PUS3: variants seen among roughly 807,000 people sequenced by gnomAD.
The protein encoded by PUS3 is tRNA pseudouridine(38/39) synthase.
In PUS3, 36 loss-of-function variants were observed where a neutral mutation model predicts 43.3. The observed-to-expected ratio is 0.83, with a 90% CI of 0.64 to 1.10. PUS3 has a LOEUF of 1.10. Ranked by LOEUF, PUS3 falls within the 50% of genes least tolerant of loss-of-function variation. PUS3 has a pLI of 0.00. For missense variants in PUS3, 544 were observed against 589.9 expected, an observed-to-expected ratio of 0.92 and a Z score of 0.81; for synonymous variants, 183 against 199.2, an observed-to-expected ratio of 0.92 and a Z score of 0.69.
In PUS3 at chr11:125,900,263, T is replaced by C. The variant is rs752716062; in HGVS notation, c.-47+2907A>G. The C allele has an allele frequency of 2.1e-5, 34 of 1,613,768 alleles. No homozygotes were observed. In the East Asian group the frequency reaches 3.8e-4, roughly 18 times the overall value. On this transcript the variant is annotated intron_variant, in intron 1 of 3. Coordinates refer to ENST00000227474, the MANE Select transcript of PUS3 (RefSeq NM_031307.4). The stretch of plus-strand genomic sequence containing the variant: ...GAAGCTTCCCTTCCCTCTTTCTCCT[T>C]CTTAAATCTTTTTAAACTTCTTTCA...
At chr11:125,900,587 G>A (rs1203626263) in intron 1 of PUS3, 1 of 347,500 alleles carries the variant, frequency 2.9e-6, no homozygotes, top group Non-Finnish European at 5.6e-6. Context: ...CTGTGCTTCA[G>A]TGTGTGTTTT....
chr11:125,896,793 C>A (rs1944604355), intron 1 of PUS3, among the ~76,000 whole-genome samples: 1 of 152,056 alleles, frequency 6.6e-6, no homozygotes, highest in South Asian at 2.1e-4. Flanking sequence ...TTGTATGCTC[C>A]ATCATCTAAT....
chr11:125,902,285 C>T (rs1401924301), intron 1 of PUS3, among the ~76,000 whole-genome samples: 1 of 151,068 alleles, frequency 6.6e-6, no homozygotes, highest in African/African-American at 2.4e-5. Context: ...CAAACTAAAA[C>T]GGCCATCACC....
At chr11:125,901,764 A>G (rs1944778911) in intron 1 of PUS3, among the ~76,000 whole-genome samples, 1 of 152,232 alleles carries the variant, frequency 6.6e-6, no homozygotes, top group Non-Finnish European at 1.5e-5. Context: ...GGAATAGTAA[A>G]TGTCTTTAAA....
intron 1 of PUS3, chr11:125,900,271 C>A (rs1487794000): frequency 6.2e-7 from 1 of 1,613,692 alleles, no homozygotes; most frequent in Non-Finnish European, 8.5e-7. Context: ...CTTCTTAAAT[C>A]TTTTTAAACT....
rs975307362 is a variant in PUS3, at chr11:125,903,187, C to T, written c.-64G>A. The T allele has an allele frequency of 2.0e-5, 20 of 985,476 alleles. 1 individual carries two copies. The East Asian group carries it at 4.5e-4, about 22-fold the overall frequency. The allele number at this position is 985,476 out of a possible 1,614,324, so 61.0% of individuals were successfully genotyped here. ...ACACTTACTTTCCGGCAGCCGGCCG[C>T]GCCGCGTTTCCGAGAAAGGAAGCTG... On this transcript the variant is annotated 5_prime_UTR_variant, in exon 1 of 4. Transcript: ENST00000227474.
At chr11:125,901,623 C>T (rs186772120) in intron 1 of PUS3, among the ~76,000 whole-genome samples, 38 of 152,282 alleles carry the variant, frequency 2.5e-4, no homozygotes, top group African/African-American at 9.1e-4. Flanking sequence ...CATTTAAAGC[C>T]ACATAATTCA....
Position 125,899,371 on chromosome 11 carries a change from G to T in PUS3, c.-46-3041C>A, listed in dbSNP as rs774827514. 11 of 1,614,006 alleles carry T rather than the reference G, an allele frequency of 6.8e-6. No homozygotes were observed. In the East Asian group the frequency reaches 2.2e-4, roughly 33 times the overall value. On this transcript the variant is annotated intron_variant, in intron 1 of 3. Coordinates refer to ENST00000227474, the MANE Select transcript of PUS3 (RefSeq NM_031307.4). ...GGTCCTACAGTGTAGGGGAAGCAAT[G>T]GAAGAACTTCTACCTGATGGACAAA...
chr11:125,903,190 C>T lies in PUS3; in HGVS notation c.-67G>A, dbSNP rs764158546. 23 of 985,362 alleles carry T rather than the reference C, an allele frequency of 2.3e-5. No homozygotes were observed. Among genetic ancestry groups the T allele is most frequent in the Non-Finnish European group, 2.3e-5 (19 of 829,954 alleles). 61.0% of individuals were successfully genotyped at this position (985,362 alleles called of 1,614,324 possible). On this transcript the variant is annotated 5_prime_UTR_variant, in exon 1 of 4. Transcript: ENST00000227474. ...CTTACTTTCCGGCAGCCGGCCGCGCCGCGTTTCCGAGAAAGGAAGCTGTCA... is the reference window on the plus strand; with the variant it reads ...CTTACTTTCCGGCAGCCGGCCGCGCTGCGTTTCCGAGAAAGGAAGCTGTCA...
chr11:125,897,817 C>T (rs2134251663), intron 1 of PUS3, among the ~76,000 whole-genome samples: 1 of 152,292 alleles, frequency 6.6e-6, no homozygotes, highest in South Asian at 2.1e-4. Flanking sequence ...ATTGAATATA[C>T]ACATACCTTT....
intron 1 of PUS3, among the ~76,000 whole-genome samples, chr11:125,902,352 T>A (rs998184778): frequency 2.0e-5 from 2 of 100,386 alleles, no homozygotes; most frequent in African/African-American, 8.0e-5. Context: ...CCCAACATTT[T>A]GAGAGGCCAA....
intron 1 of PUS3, chr11:125,899,591 A>C (rs375884986): frequency 4.3e-6 from 7 of 1,614,202 alleles, no homozygotes; most frequent in Non-Finnish European, 5.1e-6. Flanking sequence ...ACATGTAGAA[A>C]GTAATGTCCC....
intron 1 of PUS3, among the ~76,000 whole-genome samples, chr11:125,897,904 C>T (rs998994783): frequency 6.6e-6 from 1 of 152,142 alleles, no homozygotes; most frequent in African/African-American, 2.4e-5. Flanking sequence ...GCAAGATACT[C>T]GTGTTAGCAT....
At chr11:125,901,697 A>G (rs1944777359) in intron 1 of PUS3, among the ~76,000 whole-genome samples, 1 of 152,264 alleles carries the variant, frequency 6.6e-6, no homozygotes, top group Non-Finnish European at 1.5e-5. Context: ...TGACTCAGGT[A>G]CATGTAGGAT....
chr11:125,900,476 A>G (rs1944738275), intron 1 of PUS3: 1 of 566,506 alleles, frequency 1.8e-6, no homozygotes, highest in Non-Finnish European at 3.2e-6. Flanking sequence ...TGCAAGATAA[A>G]TCATATCAGA....
intron 1 of PUS3, among the ~76,000 whole-genome samples, chr11:125,902,328 C>T (rs1285877236): frequency 6.7e-6 from 1 of 148,592 alleles, no homozygotes; most frequent in Admixed American, 6.7e-5. Flanking sequence ...GGCGCCGTGG[C>T]TCACGCCTGT....
chr11:125,901,491 C>G lies in PUS3; in HGVS notation c.-47+1679G>C, dbSNP rs75945283. Among the ~76,000 whole-genome samples, 1,045 of 152,300 alleles carry G rather than the reference C, an allele frequency of 6.9e-3. 10 individuals are homozygous for G. Among genetic ancestry groups the G allele is most frequent in the African/African-American group, 0.023 (963 of 41,570 alleles). ...GGACCATCTAAAATCTGAAAGTTGT[C>G]AGTTTTAACACCAGAGGCCAGAAGA... On this transcript the variant is annotated intron_variant, in intron 1 of 3. Transcript: ENST00000227474.
intron 3 of PUS3, among the ~76,000 whole-genome samples, chr11:125,894,920 G>C (rs1216364878): frequency 1.3e-5 from 2 of 152,160 alleles, no homozygotes; most frequent in Non-Finnish European, 2.9e-5. Flanking sequence ...AGAACAATGA[G>C]AGGAAATTAA....
chr11:125,897,538 C>G (rs1047700846), intron 1 of PUS3, among the ~76,000 whole-genome samples: 3 of 138,624 alleles, frequency 2.2e-5, no homozygotes, highest in Non-Finnish European at 4.7e-5. Flanking sequence ...AAAAAAAAAT[C>G]CAGCAACCTG....
Sources: gnomAD v4.1 joint callset for allele counts (sites outside exome capture counted in the v4.1 genomes callset) on GRCh38, gnomAD v4.1.1 for gene constraint, MANE v1.5 for transcripts, NCBI Gene and HGNC (gene_info 2026-07-23, HGNC 2026-07-21) for gene names.